Variants in MTHFSD observed in about 807,000 individuals in gnomAD.
MTHFSD encodes methenyltetrahydrofolate synthetase domain containing, also known as methenyltetrahydrofolate synthase domain-containing protein.
Under a neutral mutation model 31.1 loss-of-function variants are expected in MTHFSD, and 37 were observed. That is an observed-to-expected ratio of 1.19 (90% confidence interval 0.91 to 1.56). The LOEUF is 1.56. Among genes scored for constraint, MTHFSD ranks in the 40% most tolerant of loss-of-function variants. The pLI is 0.00. For missense variants in MTHFSD, 664 were observed against 510.1 expected (o/e 1.30, Z -2.91); for synonymous variants, 221 against 206.9 (o/e 1.07, Z -0.59).
At chr16:86,551,139 T>C (rs559574682) in intron 3 of MTHFSD, among the ~76,000 whole-genome samples, 1 of 152,386 alleles carries the variant, frequency 6.6e-6, no homozygotes, top group Non-Finnish European at 1.5e-5. Context: ...TGTATTTAAC[T>C]TATATGCTTA....
At chr16:86,536,531 C>T (rs2143429746) in intron 7 of MTHFSD, among the ~76,000 whole-genome samples, 1 of 152,340 alleles carries the variant, frequency 6.6e-6, no homozygotes, top group South Asian at 2.1e-4. Context: ...TGCTGACGGA[C>T]AGCAGGGGCA....
In MTHFSD at chr16:86,541,764, A is replaced by C; in HGVS notation, c.614T>G (p.Leu205Arg). Reference sequence around the variant, plus strand: ...TGTGGCGATGACTCTGGTTGGAGTGAGGATGTAGTCCACAGTGATGTCGTG... The same window carrying C: ...TGTGGCGATGACTCTGGTTGGAGTGCGGATGTAGTCCACAGTGATGTCGTG... ...EEHDITVDYILTPTRVIATGC... is the reference protein window; with the variant it reads ...EEHDITVDYIRTPTRVIATGC... The change falls in exon 7 of 8, where the codon CTC becomes CGC. Residue 205 changes from leucine (L) to arginine (R), a missense_variant. By Grantham distance (102) the Leu-to-Arg change is moderately radical. Transcript: ENST00000360900. The C allele has an allele frequency of 6.2e-7, 1 of 1,614,168 alleles. No individual in the cohort carries two copies. Among genetic ancestry groups the C allele is most frequent in the Non-Finnish European group, 8.5e-7 (1 of 1,180,032 alleles).
intron 3 of MTHFSD, 138 bp from the exon 4 acceptor site, chr16:86,548,715 T>A (rs1972699895): frequency 1.5e-6 from 1 of 654,776 alleles, no homozygotes; most frequent in Admixed American, 3.7e-5. Flanking sequence ...GCCAAGGAAA[T>A]TACTTATTTG....
chr16:86,536,527 C>T (rs1016281516), intron 7 of MTHFSD, among the ~76,000 whole-genome samples: 2 of 152,212 alleles, frequency 1.3e-5, no homozygotes, highest in Admixed American at 6.5e-5. Flanking sequence ...GGAGTGCTGA[C>T]GGACAGCAGG....
intron 7 of MTHFSD, 97 bp from the exon 8 acceptor site, chr16:86,532,578 A>T: frequency 1.0e-6 from 1 of 1,002,584 alleles, no homozygotes; most frequent in Non-Finnish European, 1.4e-6. Context: ...TGTGCTGCAC[A>T]CGTGGACTGG....
At chr16:86,536,212 C>A (rs1462197481) in intron 7 of MTHFSD, among the ~76,000 whole-genome samples, 2 of 152,206 alleles carry the variant, frequency 1.3e-5, no homozygotes, top group African/African-American at 4.8e-5. Context: ...ATAATGAGTT[C>A]TCTTGCCTGA....
chr16:86,534,787 A>C (rs1970447870), intron 7 of MTHFSD, among the ~76,000 whole-genome samples: 2 of 148,124 alleles, frequency 1.4e-5, no homozygotes, highest in Non-Finnish European at 1.5e-5. Context: ...TTGAGGTGAG[A>C]GCATCCCGTG....
chr16:86,555,173 C>G lies in MTHFSD; in HGVS notation c.12G>C (p.Arg4Ser). ...GAGCCCCGCCAGGCCCCCCACCTGCCCTCGGCTCCATGGTGATGCAGTCGC... is the reference window on the plus strand; with the variant it reads ...GAGCCCCGCCAGGCCCCCCACCTGCGCTCGGCTCCATGGTGATGCAGTCGC... MEPRAVGVSKQDIR... is the reference protein window; with the variant it reads MEPSAVGVSKQDIR... Residue 4 changes from arginine to serine, a missense_variant, in exon 1 of 8, where the codon AGG (arginine) becomes AGC (serine). By Grantham distance (110) the Arg-to-Ser change is moderately radical. Transcript: ENST00000360900. 6.5e-7 allele frequency: 1 copy of G among 1,537,038 alleles called. No homozygotes were observed. The highest frequency in any genetic ancestry group is 2.0e-5 in the Admixed American group (1 of 51,064).
chr16:86,535,988 C>G (rs1365420506), intron 7 of MTHFSD, among the ~76,000 whole-genome samples: 1 of 152,158 alleles, frequency 6.6e-6, no homozygotes, highest in Non-Finnish European at 1.5e-5. Context: ...GTAGCTGGCA[C>G]TACATGTGGG....
chr16:86,542,167 G>T lies in MTHFSD; in HGVS notation c.489C>A (p.Ala163=). 1 of 1,613,862 alleles carries T rather than the reference G, an allele frequency of 6.2e-7. No individual in the cohort carries two copies. ...TGACGGCGCCCATGGATACCATCAT[G>T]GCATATTCCAGATCGGCGTAGCCTT... is the stretch of plus-strand genomic sequence containing the variant. ...KGEGYADLEY[A]MMVSMGAVSK... Residue 163 remains alanine, a synonymous_variant, in exon 6 of 8, where the codon GCC becomes GCA. Transcript: ENST00000360900. This position sits in a 1 kb window ranked among gnomAD's most constrained non-coding sequence, Gnocchi z 4.6.
intron 7 of MTHFSD, chr16:86,535,365 TG>T (rs1342595629): frequency 1.0e-6 from 1 of 985,046 alleles, no homozygotes; most frequent in African/African-American, 1.8e-5. Flanking sequence ...TGCCAGCAGC[TG>T]GATGACCACG....
At chr16:86,546,443 G>A in intron 5 of MTHFSD, 116 bp downstream of exon 5, 1 of 885,634 alleles carries the variant, frequency 1.1e-6, no homozygotes, top group Non-Finnish European at 1.9e-6. Context: ...CGGAGACCAG[G>A]TAAGCGCATC....
chr16:86,552,292 CCT>C, intron 2 of MTHFSD, 146 bp from the exon 3 acceptor site: 2 of 1,570,496 alleles, frequency 1.3e-6, no homozygotes, highest in East Asian at 2.4e-5. Flanking sequence ...TGAGAAGCGC[CCT>C]GTTTCCAATG....
intron 4 of MTHFSD, chr16:86,547,438 A>G (rs1972485762): frequency 1.0e-6 from 1 of 985,782 alleles, no homozygotes. Flanking sequence ...TTCCGTATGG[A>G]TCAGTGCATA....
At chr16:86,532,774 T>G in intron 7 of MTHFSD, 1 of 260,388 alleles carries the variant, frequency 3.8e-6, no homozygotes, top group African/African-American at 2.2e-5. Flanking sequence ...TCCATTTTCC[T>G]CCAGGCCCAG....
intron 1 of MTHFSD, 86 bp from the exon 2 acceptor site, chr16:86,554,837 C>G: frequency 8.1e-7 from 1 of 1,232,738 alleles, no homozygotes; most frequent in Non-Finnish European, 1.2e-6. Context: ...AAGCGACCCC[C>G]GCGTGTAGGT....
rs566601976 is a variant in MTHFSD, at chr16:86,532,055, C to T, written c.1108G>A (p.Asp370Asn). 1.5e-5 allele frequency: 23 copies of T among 1,509,032 alleles called. No individual in the cohort carries two copies. Among genetic ancestry groups the T allele is most frequent in the South Asian group, 2.6e-5 (2 of 77,680 alleles). 93.5% of individuals were successfully genotyped at this position (1,509,032 alleles called of 1,614,324 possible). ...CTGGCCAGCGCCACCCTCAGGGTGTCGGTGCCCAGGCGCAGGCCCTGCAAG... is the reference window on the plus strand; with the variant it reads ...CTGGCCAGCGCCACCCTCAGGGTGTTGGTGCCCAGGCGCAGGCCCTGCAAG... The part of the protein sequence containing the change: ...SCLQGLRLGT[D>N]TLRVALARQQ... Residue 370 changes from aspartate (D) to asparagine (N), a missense_variant, in exon 8 of 8, where the codon GAC becomes AAC. By Grantham distance (23) the Asp-to-Asn change is conservative. Coordinates refer to ENST00000360900, the MANE Select transcript of MTHFSD (RefSeq NM_001159377.2).
chr16:86,538,498 T>G (rs2143492140), intron 7 of MTHFSD, among the ~76,000 whole-genome samples: 1 of 152,300 alleles, frequency 6.6e-6, no homozygotes, highest in South Asian at 2.1e-4. Flanking sequence ...GGACTCTGCA[T>G]TTCACTCCCG....
At chr16:86,548,216 C>A (rs1972610404) in intron 4 of MTHFSD, 3 of 1,043,148 alleles carry the variant, frequency 2.9e-6, no homozygotes, top group Non-Finnish European at 3.9e-6. Context: ...CCTTTTCTTA[C>A]AATAAGGAAT....
Sources: gnomAD v4.1 joint callset for allele counts (sites outside exome capture counted in the v4.1 genomes callset) on GRCh38, gnomAD v4.1.1 for gene constraint, Gnocchi (gnomAD v3.1) non-coding constraint, MANE v1.5 for transcripts, NCBI Gene and HGNC (gene_info 2026-07-23, HGNC 2026-07-21) for gene names.